Variants in TSPEAR observed in about 807,000 individuals in gnomAD.
TSPEAR encodes the protein thrombospondin-type laminin G domain and EAR repeat-containing protein.
Under a neutral mutation model 71.6 loss-of-function variants are expected in TSPEAR, and 69 were observed. The observed-to-expected ratio is 0.96, with a 90% CI of 0.79 to 1.18. The LOEUF (loss-of-function observed/expected upper bound fraction) is 1.18. Ranked by LOEUF, TSPEAR falls within the 50% of genes most tolerant of loss-of-function variation. The pLI is 0.00. For synonymous variants in TSPEAR, 402 were observed against 387.2 expected, an observed-to-expected ratio of 1.04 and a Z score of -0.45; for missense variants, 971 against 894.9, an observed-to-expected ratio of 1.09 and a Z score of -1.09.
At chr21:44,589,407 A>T (rs1184229361) in intron 1 of TSPEAR, among the ~76,000 whole-genome samples, 4 of 152,162 alleles carry the variant, frequency 2.6e-5, no homozygotes, top group Admixed American at 1.3e-4. Context: ...TGCTGTGTAC[A>T]TGGGTACACC....
intron 1 of TSPEAR, among the ~76,000 whole-genome samples, chr21:44,651,973 A>C (rs950125424): frequency 2.7e-4 from 41 of 149,392 alleles, no homozygotes; most frequent in African/African-American, 8.6e-4. Flanking sequence ...TTCTGAATAA[A>C]ACTTTCTTTT....
rs200257275 is a variant in TSPEAR, at chr21:44,574,060, C to A, written c.83-6055G>T. 1,369 of 1,612,808 alleles carry A rather than the reference C, an allele frequency of 8.5e-4. No individual in the cohort carries two copies. The Middle Eastern group carries it at 0.01, about 12-fold the overall frequency. The stretch of plus-strand genomic sequence containing the variant: ...TCTAGCTGCCAGCTGGCTTGCTGTG[C>A]CTCCTCCCCCTGCCAGCAGGCCTGC... On this transcript the variant is annotated intron_variant, in intron 1 of 11. Coordinates refer to ENST00000323084, the MANE Select transcript of TSPEAR (RefSeq NM_144991.3).
chr21:44,684,658 G>A (rs782524365), intron 1 of TSPEAR, among the ~76,000 whole-genome samples: 1 of 152,252 alleles, frequency 6.6e-6, no homozygotes, highest in Non-Finnish European at 1.5e-5. Flanking sequence ...TGACTAGGAC[G>A]AGGCCAGGTG....
intron 1 of TSPEAR, among the ~76,000 whole-genome samples, chr21:44,585,079 G>C (rs190194131): frequency 4.5e-4 from 68 of 152,082 alleles, no homozygotes; most frequent in Admixed American, 2.4e-3. Flanking sequence ...GCGGATTTTT[G>C]TGGACATTTG....
rs587668130 is a variant in TSPEAR at position 44,654,312 on chromosome 21, A to G, written c.82+57121T>C. 4.3e-6 allele frequency: 7 copies of G among 1,614,008 alleles called. No homozygotes were observed. In the South Asian group the frequency reaches 4.4e-5, roughly 10 times the overall value. On this transcript the variant is annotated intron_variant, in intron 1 of 11. Transcript: ENST00000323084. ...TGGGGGTGCTCCAGGTGACAGGTCT[A>G]TAGACCAGGGTGGGGCAGAAGGGCT...
chr21:44,708,083 G>A (rs58890326), intron 1 of TSPEAR, among the ~76,000 whole-genome samples: 3 of 151,758 alleles, frequency 2.0e-5, no homozygotes, highest in East Asian at 3.9e-4. Flanking sequence ...GAGAGAGAGC[G>A]AGCGAGAGAG....
intron 1 of TSPEAR, chr21:44,580,247 C>A (rs201496484): frequency 6.2e-7 from 1 of 1,613,250 alleles, no homozygotes; most frequent in East Asian, 2.2e-5. Context: ...AGACTGCTGG[C>A]AGCATGAAGA....
intron 1 of TSPEAR, among the ~76,000 whole-genome samples, chr21:44,589,651 AC>A (rs375727854): frequency 2.0e-5 from 3 of 151,350 alleles, no homozygotes; most frequent in Admixed American, 6.6e-5. Flanking sequence ...CAGAGGTGAG[AC>A]CCCCCCACCA....
chr21:44,526,855 CCA>C (rs1372566581), intron 7 of TSPEAR, among the ~76,000 whole-genome samples: 1 of 152,256 alleles, frequency 6.6e-6, no homozygotes, highest in Non-Finnish European at 1.5e-5. Context: ...CTGCGAGGTC[CCA>C]CCCATGGCTC....
At chr21:44,566,780 G>A (rs2053708685) in intron 2 of TSPEAR, among the ~76,000 whole-genome samples, 1 of 152,056 alleles carries the variant, frequency 6.6e-6, no homozygotes. Context: ...AATCTCCTTA[G>A]CAAATGGTGT....
chr21:44,677,183 T>A, intron 1 of TSPEAR: 1 of 712,268 alleles, frequency 1.4e-6, no homozygotes, highest in South Asian at 1.5e-5. Flanking sequence ...CAACCTCTTC[T>A]TTCTTTGCAT....
At chr21:44,509,976 G>C (rs1601328505) in intron 9 of TSPEAR, 1 of 153,072 alleles carries the variant, frequency 6.5e-6, no homozygotes, top group South Asian at 2.0e-4. Flanking sequence ...TTGCAGTTTG[G>C]CTGAGTCTTT....
chr21:44,602,659 G>A (rs1981033147), intron 1 of TSPEAR, among the ~76,000 whole-genome samples: 2 of 152,216 alleles, frequency 1.3e-5, no homozygotes, highest in African/African-American at 2.4e-5. Flanking sequence ...GAATTCTGGC[G>A]TAGCCCAGGC....
chr21:44,602,940 G>A (rs1167686548), intron 1 of TSPEAR, among the ~76,000 whole-genome samples: 2 of 152,080 alleles, frequency 1.3e-5, no homozygotes, highest in Non-Finnish European at 1.5e-5. Context: ...GAGAATCGCC[G>A]TCTTGGGGAC....
At chr21:44,536,880 GT>G (rs1348230189) in intron 2 of TSPEAR, among the ~76,000 whole-genome samples, 1 of 152,074 alleles carries the variant, frequency 6.6e-6, no homozygotes, top group Non-Finnish European at 1.5e-5. Context: ...CAATATATAT[GT>G]AAAAAATTTA....
chr21:44,627,459 G>C, intron 1 of TSPEAR: 1 of 1,608,450 alleles, frequency 6.2e-7, no homozygotes, highest in Non-Finnish European at 8.5e-7. Context: ...CCCCCTGCCA[G>C]CAGGCCTGCT....
chr21:44,624,709 C>T (rs587660005), intron 1 of TSPEAR, among the ~76,000 whole-genome samples: 1 of 152,196 alleles, frequency 6.6e-6, no homozygotes, highest in African/African-American at 2.4e-5. Context: ...AATCCCTCCT[C>T]CTTGTCAGGT....
chr21:44,567,954 G>C lies in TSPEAR; in HGVS notation c.134C>G (p.Thr45Arg), dbSNP rs782140950. ...AACCTGAACTATCCTGATCCCGCTT[G>C]TGGCGCCATCAGAAGGGACCACTTC... Reference protein sequence around the residue: ...LAEVVPSDGATSGIRIVQVHG... With the variant: ...LAEVVPSDGARSGIRIVQVHG... Residue 45 changes from threonine (T) to arginine (R), a missense_variant, in exon 2 of 12, where the codon ACA (threonine) becomes AGA (arginine). Physicochemically the swap from Thr to Arg is moderately conservative, Grantham distance 71 (BLOSUM62 -1). Coordinates refer to ENST00000323084, the MANE Select transcript of TSPEAR (RefSeq NM_144991.3). 1 of 1,578,994 alleles carries C rather than the reference G, an allele frequency of 6.3e-7. No homozygotes were observed. Among genetic ancestry groups the C allele is most frequent in the Non-Finnish European group, 8.6e-7 (1 of 1,157,900 alleles).
chr21:44,654,556 C>T, intron 1 of TSPEAR: 2 of 1,609,272 alleles, frequency 1.2e-6, no homozygotes, highest in Non-Finnish European at 1.7e-6. Context: ...GCTGGGGACA[C>T]AGCACGGGGA....
Sources: gnomAD v4.1 joint callset for allele counts (sites outside exome capture counted in the v4.1 genomes callset) on GRCh38, gnomAD v4.1.1 for gene constraint, MANE v1.5 for transcripts, NCBI Gene and HGNC (gene_info 2026-07-23, HGNC 2026-07-21) for gene names.